The following TLR2 variants were observed in gnomAD, a reference collection of about 807,000 sequenced individuals.
The protein encoded by TLR2 is toll like receptor 2.
TLR2 carries 7 observed loss-of-function variants against 9.1 expected under a neutral mutation model. The ratio of observed to expected loss-of-function variants is 0.77; its 90% CI spans 0.44 to 1.44. The LOEUF (loss-of-function observed/expected upper bound fraction) is 1.44, where lower values mean the gene tolerates loss of function less well. Among genes scored for constraint, TLR2 ranks in the 40% most tolerant of loss-of-function variants. TLR2 has a pLI of 0.01. For synonymous variants in TLR2, 317 were observed against 344.6 expected (o/e 0.92, Z 0.89); for missense variants, 812 against 904.6 (o/e 0.90, Z 1.31).
In TLR2 at chr4:153,704,940, A is replaced by G. The variant is rs1316558028; in HGVS notation, c.2033A>G (p.Asp678Gly). 6.2e-7 allele frequency: 1 copy of G among 1,612,878 alleles called. No homozygotes were observed. Among genetic ancestry groups the G allele is most frequent in the Admixed American group, 1.7e-5 (1 of 60,002 alleles). The change falls in exon 3 of 3, where the codon GAC becomes GGC. Residue 678 changes from aspartate to glycine, a missense_variant. Coordinates refer to ENST00000642700, the MANE Select transcript of TLR2 (RefSeq NM_001318789.2). ...PPFKLCLHKR[D>G]FIPGKWIIDN... Reference sequence around the variant, plus strand: ...TTCAAGTTGTGTCTTCATAAGCGGGACTTCATTCCTGGCAAGTGGATCATT... The same window carrying G: ...TTCAAGTTGTGTCTTCATAAGCGGGGCTTCATTCCTGGCAAGTGGATCATT...
chr4:153,702,746 C>T (rs527282948), intron 2 of TLR2, 146 bp from the exon 3 acceptor site: 52 of 531,236 alleles, frequency 9.8e-5, no homozygotes, highest in Middle Eastern at 5.2e-4. Flanking sequence ...TCATCTGTTT[C>T]TCTCTCTCTC....
At chr4:153,689,261 T>A (rs1473903355) in intron 2 of TLR2, among the ~76,000 whole-genome samples, 1 of 152,220 alleles carries the variant, frequency 6.6e-6, no homozygotes, top group Non-Finnish European at 1.5e-5. Flanking sequence ...CAAATCCTTA[T>A]GTTTAGCTCC....
At chr4:153,699,396 C>T (rs1736727728) in intron 2 of TLR2, among the ~76,000 whole-genome samples, 1 of 152,186 alleles carries the variant, frequency 6.6e-6, no homozygotes, top group Non-Finnish European at 1.5e-5. Flanking sequence ...AACTTTCTAG[C>T]AGGTACGAAT....
chr4:153,691,382 GTAA>G (rs1736103735), intron 2 of TLR2, among the ~76,000 whole-genome samples: 1 of 152,076 alleles, frequency 6.6e-6, no homozygotes, highest in Non-Finnish European at 1.5e-5. Context: ...TCATATCCAT[GTAA>G]TTTAACAATC....
downstream of TLR2, among the ~76,000 whole-genome samples, chr4:153,708,327 G>A (rs1482075286): frequency 6.6e-6 from 1 of 152,162 alleles, no homozygotes; most frequent in Admixed American, 6.5e-5. Flanking sequence ...TGTTTAACAG[G>A]AGAAAAACTA....
In TLR2 at chr4:153,703,712, G is replaced by C. The variant is rs138270311; in HGVS notation, c.805G>C (p.Val269Leu). The C allele has an allele frequency of 9.4e-5, 152 of 1,613,808 alleles. No homozygotes were observed. In the Middle Eastern group the frequency reaches 1.3e-3, roughly 14 times the overall value. The change falls in exon 3 of 3, where the codon GTT becomes CTT. Residue 269 changes from valine (V) to leucine (L), a missense_variant. Val to Leu is a conservative substitution (Grantham distance 32). Transcript: ENST00000642700. Reference protein sequence around the residue: ...VKITDESLFQVMKLLNQISGL... With the variant: ...VKITDESLFQLMKLLNQISGL... ...AATCACCGATGAAAGTTTGTTTCAG[G>C]TTATGAAACTTTTGAATCAGATTTC...
downstream of TLR2, among the ~76,000 whole-genome samples, chr4:153,708,379 T>C (rs960460050): frequency 6.6e-6 from 1 of 152,266 alleles, no homozygotes; most frequent in African/African-American, 2.4e-5. Flanking sequence ...GTCTTTTATT[T>C]GTCAATAGAC....
At chr4:153,695,865 T>TA (rs1488710738) in intron 2 of TLR2, among the ~76,000 whole-genome samples, 1 of 152,148 alleles carries the variant, frequency 6.6e-6, no homozygotes, top group Non-Finnish European at 1.5e-5. Context: ...TATGGCAAGA[T>TA]ATAGGGGTCT....
chr4:153,707,520 A>G (rs975597380), downstream of TLR2, among the ~76,000 whole-genome samples: 4 of 151,766 alleles, frequency 2.6e-5, no homozygotes, highest in South Asian at 2.1e-4. Context: ...ACTGCACTCC[A>G]GCCTGGGTGA....
chr4:153,706,934 G>A (rs1006886730), downstream of TLR2, among the ~76,000 whole-genome samples: 2 of 152,178 alleles, frequency 1.3e-5, no homozygotes, highest in African/African-American at 4.8e-5. Flanking sequence ...ATTTTCTCTG[G>A]AGGGGTGTTG....
At chr4:153,701,696 A>T (rs896296057) in intron 2 of TLR2, 1 of 152,072 alleles carries the variant, frequency 6.6e-6, no homozygotes, top group African/African-American at 2.4e-5. Context: ...TTTGTATACC[A>T]ATTATACCTT....
At chr4:153,687,636 A>C (rs188345961) in intron 1 of TLR2, among the ~76,000 whole-genome samples, 47 of 152,202 alleles carry the variant, frequency 3.1e-4, no homozygotes, top group African/African-American at 1.1e-3. Flanking sequence ...CCACCAAATC[A>C]TAAATAGCCA....
downstream of TLR2, among the ~76,000 whole-genome samples, chr4:153,707,965 A>T (rs1301545810): frequency 6.6e-6 from 1 of 152,170 alleles, no homozygotes; most frequent in East Asian, 1.9e-4. Flanking sequence ...CACACCAGAA[A>T]CTATACTTTA....
chr4:153,701,594 C>T (rs541810167), intron 2 of TLR2: 1 of 152,154 alleles, frequency 6.6e-6, no homozygotes, highest in African/African-American at 2.4e-5. Flanking sequence ...AATATGTTTA[C>T]TTCCTGGATT....
chr4:153,708,340 T>G (rs1238270994), downstream of TLR2, among the ~76,000 whole-genome samples: 3 of 152,186 alleles, frequency 2.0e-5, no homozygotes, highest in Non-Finnish European at 2.9e-5. Flanking sequence ...AAAAACTAAT[T>G]TTTTGTTAGT....
At chr4:153,709,820 T>A (rs1213240453), downstream of TLR2, among the ~76,000 whole-genome samples, 1 of 152,248 alleles carries the variant, frequency 6.6e-6, no homozygotes, top group Non-Finnish European at 1.5e-5. Flanking sequence ...CCAAAGTACC[T>A]GTGGCCCATT....
At chr4:153,687,691 A>G (rs1364078868) in intron 1 of TLR2, among the ~76,000 whole-genome samples, 3 of 152,150 alleles carry the variant, frequency 2.0e-5, no homozygotes, top group Non-Finnish European at 4.4e-5. Context: ...ACTATGCCCA[A>G]ACAAGGTAAA....
intron 2 of TLR2, among the ~76,000 whole-genome samples, chr4:153,690,775 G>A (rs1736056573): frequency 6.6e-6 from 1 of 152,194 alleles, no homozygotes; most frequent in Non-Finnish European, 1.5e-5. Flanking sequence ...GGGTTAAATT[G>A]TGAAAGTGTC....
downstream of TLR2, among the ~76,000 whole-genome samples, chr4:153,706,575 T>A (rs1737339500): frequency 6.6e-6 from 1 of 152,232 alleles, no homozygotes; most frequent in Admixed American, 6.5e-5. Context: ...ATATGTTAAT[T>A]TTGCAATCTA....
Sources: gnomAD v4.1 joint callset for allele counts (sites outside exome capture counted in the v4.1 genomes callset) on GRCh38, gnomAD v4.1.1 for gene constraint, MANE v1.5 for transcripts, NCBI Gene and HGNC (gene_info 2026-07-23, HGNC 2026-07-21) for gene names.